Variants in CNDP1 observed in about 807,000 individuals in gnomAD.
CNDP1 encodes carnosine dipeptidase 1.
CNDP1 carries 44 observed loss-of-function variants against 58.1 expected under a neutral mutation model. The ratio of observed to expected loss-of-function variants is 0.76; its 90% CI spans 0.60 to 0.97. The LOEUF (loss-of-function observed/expected upper bound fraction) is 0.97, where lower values mean the gene tolerates loss of function less well. Ranked by LOEUF, CNDP1 falls within the 50% of genes least tolerant of loss-of-function variation. The pLI, the probability that CNDP1 is intolerant of heterozygous loss-of-function variation, is 0.00. For missense variants in CNDP1, 616 were observed against 655.1 expected (o/e 0.94, Z 0.65); for synonymous variants, 254 against 252.6 (o/e 1.01, Z -0.05).
intron 7 of CNDP1, among the ~76,000 whole-genome samples, chr18:74,572,600 C>A (rs568068003): frequency 4.6e-5 from 7 of 151,876 alleles, no homozygotes; most frequent in African/African-American, 1.7e-4. Flanking sequence ...CCAGCCTGGG[C>A]AACATGGTGA....
intron 3 of CNDP1, among the ~76,000 whole-genome samples, chr18:74,559,737 C>T (rs1981139251): frequency 1.3e-5 from 2 of 152,192 alleles, no homozygotes; most frequent in African/African-American, 2.4e-5. Flanking sequence ...GAAAGGACCC[C>T]CTTGTACTTT....
At chr18:74,558,717 A>T (rs1455525663) in intron 2 of CNDP1, among the ~76,000 whole-genome samples, 2 of 152,130 alleles carry the variant, frequency 1.3e-5, no homozygotes, top group African/African-American at 4.8e-5. Flanking sequence ...TCTCATGCAG[A>T]TGAGAAAACT....
intron 1 of CNDP1, among the ~76,000 whole-genome samples, chr18:74,542,974 C>T (rs1360131870): frequency 1.3e-5 from 2 of 152,246 alleles, no homozygotes; most frequent in African/African-American, 4.8e-5. Flanking sequence ...GTTGAGGCTG[C>T]AAGCCAAAGT....
Position 74,578,316 on chromosome 18 carries a change from G to A in CNDP1, c.1156G>A (p.Val386Met). 3 of 1,602,588 alleles carry A rather than the reference G, an allele frequency of 1.9e-6. No homozygotes were observed. Among genetic ancestry groups the A allele is most frequent in the Non-Finnish European group, 1.7e-6 (2 of 1,175,648 alleles). ...AGTCCCTCACATGAATGTGTCTGCGGTGGAAAAACAGGTAACAAATGCTTA... is the reference window on the plus strand; with the variant it reads ...AGTCCCTCACATGAATGTGTCTGCGATGGAAAAACAGGTAACAAATGCTTA... Reference protein sequence around the residue: ...RLVPHMNVSAVEKQVTRHLED... With the variant: ...RLVPHMNVSAMEKQVTRHLED... Residue 386 changes from valine (V) to methionine (M), a missense_variant, in exon 9 of 12, where the codon GTG (valine) becomes ATG (methionine). Physicochemically the swap from Val to Met is conservative, Grantham distance 21. Coordinates refer to ENST00000358821, the MANE Select transcript of CNDP1 (RefSeq NM_032649.6).
chr18:74,572,790 C>CAAAAAAAAAAAAA (rs56059264), intron 7 of CNDP1, among the ~76,000 whole-genome samples: 2 of 60,064 alleles, frequency 3.3e-5, no homozygotes, highest in Admixed American at 2.0e-4. Flanking sequence ...GACCCTGTAT[C>CAAAAAAAAAAAAA]AAAAAAAAAA....
At chr18:74,577,070 G>C in intron 8 of CNDP1, 41 bp downstream of exon 8, 1 of 1,546,702 alleles carries the variant, frequency 6.5e-7, no homozygotes, top group Non-Finnish European at 8.8e-7. Flanking sequence ...AGAGGCATGA[G>C]GCTAGTATAT....
chr18:74,557,570 C>T (rs546762648), intron 2 of CNDP1, among the ~76,000 whole-genome samples: 8 of 152,120 alleles, frequency 5.3e-5, no homozygotes, highest in African/African-American at 1.7e-4. Flanking sequence ...TCTCTTGTCC[C>T]CTCTGTGGCC....
intron 5 of CNDP1, 76 bp from the exon 6 acceptor site, chr18:74,567,157 A>G: frequency 8.5e-7 from 1 of 1,176,780 alleles, no homozygotes; most frequent in Non-Finnish European, 1.3e-6. Context: ...GATACAATTC[A>G]AGTTGAGATT....
intron 7 of CNDP1, among the ~76,000 whole-genome samples, chr18:74,571,623 T>C (rs562702016): frequency 1.1e-4 from 17 of 152,124 alleles, no homozygotes; most frequent in Non-Finnish European, 2.4e-4. Flanking sequence ...GGAGGTGTGG[T>C]ATTCCCAAGC....
intron 1 of CNDP1, among the ~76,000 whole-genome samples, chr18:74,538,971 G>A (rs1980550291): frequency 6.6e-6 from 1 of 152,078 alleles, no homozygotes; most frequent in Non-Finnish European, 1.5e-5. Flanking sequence ...CTTGCTCCAA[G>A]GTTCTGAACC....
intron 1 of CNDP1, among the ~76,000 whole-genome samples, chr18:74,538,358 T>A (rs1472072344): frequency 6.6e-6 from 1 of 152,256 alleles, no homozygotes; most frequent in East Asian, 1.9e-4. Context: ...ATAGCATATA[T>A]CAGGACTGCA....
intron 1 of CNDP1, among the ~76,000 whole-genome samples, chr18:74,548,517 T>G (rs1980820614): frequency 6.6e-6 from 1 of 152,140 alleles, no homozygotes; most frequent in Admixed American, 6.5e-5. Flanking sequence ...CCTCTTTTCT[T>G]TATAAACTAC....
intron 5 of CNDP1, among the ~76,000 whole-genome samples, chr18:74,562,925 T>C (rs1032501526): frequency 6.6e-6 from 1 of 152,194 alleles, no homozygotes. Flanking sequence ...GGCCTCGGAA[T>C]CTGTTCTGTG....
intron 1 of CNDP1, among the ~76,000 whole-genome samples, chr18:74,552,924 C>G (rs1232449752): frequency 6.6e-6 from 1 of 152,186 alleles, no homozygotes; most frequent in African/African-American, 2.4e-5. Context: ...TCCAATTTCT[C>G]TACATCTTTG....
In CNDP1 at chr18:74,560,881, T is replaced by C. The variant is rs1486306450; in HGVS notation, c.329T>C (p.Ile110Thr). ...QQLPDGQSLP[I>T]PPVILAELGS... Reference sequence around the variant, plus strand: ...CTGCCCGATGGTCAGAGTCTTCCAATACCTCCCGTCATCCTGGCCGAACTG... The same window carrying C: ...CTGCCCGATGGTCAGAGTCTTCCAACACCTCCCGTCATCCTGGCCGAACTG... Residue 110 changes from isoleucine to threonine, a missense_variant, in exon 4 of 12, where the codon ATA (isoleucine) becomes ACA (threonine). Transcript: ENST00000358821. 11 of 1,613,952 alleles carry C rather than the reference T, an allele frequency of 6.8e-6. No homozygotes were observed. The highest frequency in any genetic ancestry group is 9.3e-6 in the Non-Finnish European group (11 of 1,179,966).
intron 7 of CNDP1, among the ~76,000 whole-genome samples, chr18:74,575,204 T>C (rs553646596): frequency 6.6e-6 from 1 of 152,236 alleles, no homozygotes; most frequent in East Asian, 1.9e-4. Context: ...TTCTCTTCCT[T>C]CTCCCAGTCC....
chr18:74,578,305 A>G lies in CNDP1; in HGVS notation c.1145A>G (p.Asn382Ser). The G allele has an allele frequency of 6.2e-7, 1 of 1,610,510 alleles. No individual in the cohort carries two copies. The change falls in exon 9 of 12, where the codon AAT (asparagine) becomes AGT (serine). Residue 382 changes from asparagine (N) to serine (S), a missense_variant. Asn to Ser is a conservative substitution (Grantham distance 46). Transcript: ENST00000358821. ...TCAATCCGTCTAGTCCCTCACATGAATGTGTCTGCGGTGGAAAAACAGGTA... is the reference window on the plus strand; with the variant it reads ...TCAATCCGTCTAGTCCCTCACATGAGTGTGTCTGCGGTGGAAAAACAGGTA... ...KFSIRLVPHMNVSAVEKQVTR... is the reference protein window; with the variant it reads ...KFSIRLVPHMSVSAVEKQVTR...
chr18:74,546,915 C>T (rs969903140), intron 1 of CNDP1, among the ~76,000 whole-genome samples: 1 of 152,188 alleles, frequency 6.6e-6, no homozygotes, highest in African/African-American at 2.4e-5. Flanking sequence ...GGGTCAAGCT[C>T]ACAGGTTAGG....
chr18:74,583,205 C>A (rs975764882), intron 10 of CNDP1, among the ~76,000 whole-genome samples: 2 of 152,076 alleles, frequency 1.3e-5, no homozygotes, highest in Non-Finnish European at 2.9e-5. Flanking sequence ...CGGGGTTTCA[C>A]CATGTTGGCC....
Sources: gnomAD v4.1 joint callset for allele counts (sites outside exome capture counted in the v4.1 genomes callset) on GRCh38, gnomAD v4.1.1 for gene constraint, MANE v1.5 for transcripts, NCBI Gene and HGNC (gene_info 2026-07-23, HGNC 2026-07-21) for gene names.